The following LRRC4C variants were observed in gnomAD, a reference collection of about 807,000 sequenced individuals.
LRRC4C encodes leucine-rich repeat-containing protein 4C.
LRRC4C carries 5 observed loss-of-function variants against 33.6 expected under a neutral mutation model. The observed-to-expected ratio is 0.15, with a 90% CI of 0.08 to 0.31. LRRC4C has a LOEUF of 0.31. LRRC4C is among the 10% of genes least tolerant of loss of function. The pLI, the probability that LRRC4C is intolerant of heterozygous loss-of-function variation, is 1.00. For missense variants in LRRC4C, 560 were observed against 796.7 expected (o/e 0.70, Z 3.58); for synonymous variants, 329 against 302.0 (o/e 1.09, Z -0.93).
chr11:40,477,440 T>C (rs975490308), intron 3 of LRRC4C, among the ~76,000 whole-genome samples: 4 of 152,166 alleles, frequency 2.6e-5, no homozygotes, highest in Admixed American at 2.6e-4. Context: ...TTCTTGGAAG[T>C]ATTCTCTCCT....
At chr11:40,622,427 C>T (rs998096148) in intron 3 of LRRC4C, among the ~76,000 whole-genome samples, 1 of 151,742 alleles carries the variant, frequency 6.6e-6, no homozygotes, top group Admixed American at 6.6e-5. Context: ...AGGCTTTTGT[C>T]TTCTGCCTCA....
chr11:41,397,991 C>T (rs1953882921), intron 1 of LRRC4C, among the ~76,000 whole-genome samples: 1 of 151,912 alleles, frequency 6.6e-6, no homozygotes. Context: ...GTTTCATCAG[C>T]CTAATGCCTC....
At chr11:40,429,988 T>G (rs1481231116) in intron 3 of LRRC4C, among the ~76,000 whole-genome samples, 1 of 152,214 alleles carries the variant, frequency 6.6e-6, no homozygotes, top group South Asian at 2.1e-4. Flanking sequence ...CAAAGTATTT[T>G]AACAAATGGC....
chr11:40,784,248 A>G (rs1313218940), intron 2 of LRRC4C, among the ~76,000 whole-genome samples: 1 of 152,176 alleles, frequency 6.6e-6, no homozygotes, highest in Non-Finnish European at 1.5e-5. Context: ...CCTCTGAGCA[A>G]TTGGCAAGCA....
chr11:41,152,229 T>C (rs1474923570), intron 1 of LRRC4C, among the ~76,000 whole-genome samples: 2 of 152,246 alleles, frequency 1.3e-5, no homozygotes, highest in Non-Finnish European at 2.9e-5. Context: ...GTGACTGATA[T>C]TGCATTGTTA....
At chr11:41,040,556 T>C (rs1857371098) in intron 1 of LRRC4C, among the ~76,000 whole-genome samples, 1 of 152,184 alleles carries the variant, frequency 6.6e-6, no homozygotes. Context: ...GAAACACACA[T>C]TTCACAGCAG....
chr11:41,104,121 G>A (rs779919122), intron 1 of LRRC4C, among the ~76,000 whole-genome samples: 1 of 151,898 alleles, frequency 6.6e-6, no homozygotes, highest in Admixed American at 6.6e-5. Flanking sequence ...GTATTATCAC[G>A]ATTAATAACT....
At chr11:40,618,447 T>A (rs1487274023) in intron 3 of LRRC4C, among the ~76,000 whole-genome samples, 1 of 12,464 alleles carries the variant, frequency 8.0e-5, no homozygotes, top group African/African-American at 8.5e-5. Flanking sequence ...ACTTCTAGAC[T>A]CCAGATCTTG....
chr11:40,407,466 T>C (rs1482688582), intron 3 of LRRC4C, among the ~76,000 whole-genome samples: 1 of 152,096 alleles, frequency 6.6e-6, no homozygotes, highest in East Asian at 1.9e-4. Flanking sequence ...GATGTTTCAA[T>C]GCATGAGGAT....
At chr11:40,171,407 G>A (rs1860034537) in intron 5 of LRRC4C, among the ~76,000 whole-genome samples, 1 of 152,118 alleles carries the variant, frequency 6.6e-6, no homozygotes, top group African/African-American at 2.4e-5. Flanking sequence ...GCAATAACTG[G>A]AACCATCTAG....
chr11:40,270,159 T>C (rs534395480), intron 4 of LRRC4C, among the ~76,000 whole-genome samples: 88 of 152,286 alleles, frequency 5.8e-4, no homozygotes, highest in Admixed American at 2.0e-3. Flanking sequence ...AGCTCCCCTG[T>C]CCAGTTAAGG....
At chr11:40,216,520 G>A (rs1863989067) in intron 5 of LRRC4C, among the ~76,000 whole-genome samples, 2 of 152,026 alleles carry the variant, frequency 1.3e-5, no homozygotes, top group African/African-American at 4.8e-5. Context: ...GTTTTCAAGA[G>A]GCCAAATGAA....
At position 41,417,440 on chromosome 11, in the gene LRRC4C, C is replaced by T. The variant is rs572192379; in HGVS notation, c.-496+41991G>A. Among the ~76,000 whole-genome samples the T allele has an allele frequency of 4.0e-4, 61 of 152,086 alleles. 1 individual carries two copies. The highest frequency in any genetic ancestry group is 7.5e-4 in the Non-Finnish European group (51 of 67,942). ...AGCAGAGAGGTGCTTGAATGCTTTG[C>T]GTGACAATGTATCCCATGCCTCAGA... On this transcript the variant is annotated intron_variant, in intron 1 of 6. Coordinates refer to ENST00000528697, the MANE Select transcript of LRRC4C (RefSeq NM_001258419.2).
chr11:40,817,555 G>C (rs1331806766), intron 2 of LRRC4C, among the ~76,000 whole-genome samples: 1 of 152,026 alleles, frequency 6.6e-6, no homozygotes, highest in Non-Finnish European at 1.5e-5. Context: ...ATTTTACTGG[G>C]GACATCTAGT....
chr11:40,494,947 A>C (rs1438314224), intron 3 of LRRC4C, among the ~76,000 whole-genome samples: 1 of 152,336 alleles, frequency 6.6e-6, no homozygotes, highest in Admixed American at 6.5e-5. Flanking sequence ...TGTAAATTAT[A>C]GAAAATTGTA....
chr11:40,861,168 C>T (rs1388305249), intron 2 of LRRC4C, among the ~76,000 whole-genome samples: 1 of 151,972 alleles, frequency 6.6e-6, no homozygotes, highest in Non-Finnish European at 1.5e-5. Context: ...AAAGAATACC[C>T]TCAAAATATA....
At chr11:40,766,002 G>A (rs1051434454) in intron 2 of LRRC4C, among the ~76,000 whole-genome samples, 1 of 150,618 alleles carries the variant, frequency 6.6e-6, no homozygotes, top group Non-Finnish European at 1.5e-5. Flanking sequence ...AACAGATTTA[G>A]CCCAAATAAC....
intron 2 of LRRC4C, among the ~76,000 whole-genome samples, chr11:40,706,098 T>A (rs1286399372): frequency 1.3e-5 from 2 of 152,194 alleles, no homozygotes; most frequent in Non-Finnish European, 2.9e-5. Flanking sequence ...CTTTGTAGAT[T>A]CTGGATATTA....
intron 1 of LRRC4C, among the ~76,000 whole-genome samples, chr11:41,008,648 A>G (rs1340131523): frequency 6.6e-6 from 1 of 152,104 alleles, no homozygotes; most frequent in Non-Finnish European, 1.5e-5. Context: ...CAGATATGCT[A>G]TTATCATCCT....
Sources: allele counts gnomAD v4.1 joint callset (sites outside exome capture counted in the v4.1 genomes callset), GRCh38; gene constraint gnomAD v4.1.1; transcripts MANE v1.5; gene names NCBI Gene and HGNC (gene_info 2026-07-23, HGNC 2026-07-21).